Variants in LTBP2 observed in about 807,000 individuals in gnomAD.
The protein encoded by LTBP2 is latent transforming growth factor beta binding protein 2, also known as latent-transforming growth factor beta-binding protein 2.
LTBP2 carries 103 observed loss-of-function variants against 210.6 expected under a neutral mutation model. The observed-to-expected ratio is 0.49, with a 90% confidence interval of 0.42 to 0.58. The LOEUF is 0.58. LTBP2 is among the 20% of genes least tolerant of loss of function. LTBP2 has a pLI of 0.00. For synonymous variants in LTBP2, 1,007 were observed against 1,015.0 expected, an observed-to-expected ratio of 0.99 and a Z score of 0.15; for missense variants, 2,313 against 2,494.5, an observed-to-expected ratio of 0.93 and a Z score of 1.55.
chr14:74,522,989 G>A (rs1164563141), intron 15 of LTBP2, 71 bp from the exon 16 acceptor site: 2 of 1,565,044 alleles, frequency 1.3e-6, no homozygotes, highest in South Asian at 1.2e-5. Flanking sequence ...AGCGGGGTGG[G>A]GACAGTCAGT....
In LTBP2 at chr14:74,500,442, C is replaced by T; in HGVS notation, c.*442G>A. ...CTTCCCCAAATCCTTTCTTGCTCCA[C>T]AGATTCTGAAGGACCTCCCTAGGGC... On this transcript the variant is annotated 3_prime_UTR_variant, in exon 36 of 36. Coordinates refer to ENST00000261978, the MANE Select transcript of LTBP2 (RefSeq NM_000428.3). The T allele has an allele frequency of 2.7e-6, 1 of 365,090 alleles. No individual in the cohort carries two copies. Among genetic ancestry groups the T allele is most frequent in the Admixed American group, 4.2e-5 (1 of 23,864 alleles). The allele number at this position is 365,090 out of a possible 1,614,324, so 22.6% of individuals were successfully genotyped here. A position where few individuals can be genotyped will look rare whatever the true frequency, so the allele number is the denominator to read the frequency against.
chr14:74,555,084 A>T (rs190467465), intron 4 of LTBP2, among the ~76,000 whole-genome samples: 1 of 150,494 alleles, frequency 6.6e-6, no homozygotes, highest in African/African-American at 2.5e-5. Flanking sequence ...CATGGCGTGA[A>T]TCCACAGAGA....
intron 3 of LTBP2, among the ~76,000 whole-genome samples, chr14:74,584,946 T>A (rs905447236): frequency 1.3e-5 from 2 of 152,144 alleles, no homozygotes; most frequent in Non-Finnish European, 2.9e-5. Context: ...TCCTGGGCTC[T>A]GAAAGAGCAA....
chr14:74,559,088 A>G (rs2087762221), intron 3 of LTBP2, among the ~76,000 whole-genome samples: 1 of 152,252 alleles, frequency 6.6e-6, no homozygotes, highest in African/African-American at 2.4e-5. Context: ...GAATTTTTAA[A>G]TTGCAGAAAC....
chr14:74,557,591 T>A (rs1415088293), intron 3 of LTBP2, among the ~76,000 whole-genome samples: 3 of 152,208 alleles, frequency 2.0e-5, no homozygotes, highest in Non-Finnish European at 4.4e-5. Context: ...TCATGTCCTT[T>A]GACATCTTAA....
At position 74,528,582 on chromosome 14, in the gene LTBP2, C is replaced by T. The variant is rs771194055; in HGVS notation, c.2269G>A (p.Gly757Arg). The T allele has an allele frequency of 5.0e-6, 8 of 1,613,408 alleles. No individual in the cohort carries two copies. In the African/African-American group the frequency reaches 8.0e-5, roughly 16 times the overall value. ...EELARPPREQGQRSSGALPGP... is the reference protein window; with the variant it reads ...EELARPPREQRQRSSGALPGP... ...GGCAGTGCCCCGCTGCTCCTCTGCC[C>T]TTGCTCCCTTGGGGGCCTTGCCAGT... Residue 757 changes from glycine to arginine, a missense_variant, in exon 12 of 36, where the codon GGG becomes AGG. Around this residue, in one of 3 missense-constraint regions of LTBP2, gnomAD observed 1,867 missense variants for 1,976.9 expected, o/e 0.94. Transcript: ENST00000261978.
intron 8 of LTBP2, among the ~76,000 whole-genome samples, chr14:74,543,616 T>C (rs906480509): frequency 6.7e-6 from 1 of 148,356 alleles, no homozygotes; most frequent in Admixed American, 6.8e-5. Flanking sequence ...TGTCCCTCAC[T>C]AGCTGGGTGA....
intron 3 of LTBP2, among the ~76,000 whole-genome samples, chr14:74,558,815 C>T (rs988043795): frequency 1.3e-5 from 2 of 152,124 alleles, no homozygotes; most frequent in Non-Finnish European, 2.9e-5. Context: ...AATAAACAAA[C>T]CATGTATTCC....
chr14:74,534,399 A>G (rs1313536155), intron 9 of LTBP2, among the ~76,000 whole-genome samples: 1 of 152,186 alleles, frequency 6.6e-6, no homozygotes, highest in Admixed American at 6.5e-5. Context: ...CAGACAGCAC[A>G]AACTGTTCTT....
Position 74,499,823 on chromosome 14 carries a change from T to C in LTBP2, c.*1061A>G. On this transcript the variant is annotated 3_prime_UTR_variant, in exon 36 of 36. Transcript: ENST00000261978. ...CAGCTAGTTTGGGTTGGAGTGAGTC[T>C]CTGCTTGTAAACTCAGAGGAATGCC... 4.3e-6 allele frequency: 1 copy of C among 230,736 alleles called. No homozygotes were observed. The highest frequency in any genetic ancestry group is 6.2e-5 in the East Asian group (1 of 16,230). 14.3% of individuals were successfully genotyped at this position (230,736 alleles called of 1,614,324 possible).
In LTBP2 at chr14:74,499,759, A is replaced by G; in HGVS notation, c.*1125T>C. ...TGAAATAAAAACAACAGAAGAGACC[A>G]GATGCACATTTCTTTATTCCACCAT... On this transcript the variant is annotated 3_prime_UTR_variant, in exon 36 of 36. Coordinates refer to ENST00000261978, the MANE Select transcript of LTBP2 (RefSeq NM_000428.3). 4.4e-6 allele frequency: 1 copy of G among 228,120 alleles called. No individual in the cohort carries two copies. Among genetic ancestry groups the G allele is most frequent in the East Asian group, 6.3e-5 (1 of 15,896 alleles). 14.1% of individuals were successfully genotyped at this position (228,120 alleles called of 1,614,324 possible).
At chr14:74,503,754 G>C (rs1294124828) in intron 31 of LTBP2, 148 bp from the exon 32 acceptor site, 1 of 1,435,696 alleles carries the variant, frequency 7.0e-7, no homozygotes, top group African/African-American at 1.4e-5. Context: ...GGCCCTCCTG[G>C]GGACAATCTC....
At chr14:74,577,399 C>T (rs1040213149) in intron 3 of LTBP2, among the ~76,000 whole-genome samples, 4 of 152,026 alleles carry the variant, frequency 2.6e-5, no homozygotes, top group Non-Finnish European at 5.9e-5. Flanking sequence ...GAGAGGCTCA[C>T]ATGTTCTTGT....
At chr14:74,597,300 G>A (rs1037758240) in intron 2 of LTBP2, among the ~76,000 whole-genome samples, 8 of 152,186 alleles carry the variant, frequency 5.3e-5, no homozygotes, top group Non-Finnish European at 8.8e-5. Context: ...TTCATGCTCC[G>A]CTTGGCTCCT....
intron 17 of LTBP2, among the ~76,000 whole-genome samples, chr14:74,521,143 G>A (rs756481907): frequency 6.6e-6 from 1 of 152,308 alleles, no homozygotes; most frequent in African/African-American, 2.4e-5. Context: ...ATTGGAACCC[G>A]AGGGGATCCT....
rs2087921783 is a variant in LTBP2 at position 74,567,655 on chromosome 14, G to C, written c.831-11962C>G. Among the ~76,000 whole-genome samples, 3 of 152,112 alleles carry C rather than the reference G, an allele frequency of 2.0e-5. No homozygotes were observed. In the South Asian group the frequency reaches 6.2e-4, roughly 32 times the overall value. Reference sequence around the variant, plus strand: ...ACCACCCAAAGGGTTGCAGCTCGGCGGGGGACACAGACCCCCAGGAGGGAA... The same window carrying C: ...ACCACCCAAAGGGTTGCAGCTCGGCCGGGGACACAGACCCCCAGGAGGGAA... On this transcript the variant is annotated intron_variant, in intron 3 of 35. Transcript: ENST00000261978.
chr14:74,514,609 G>T (rs983935517), intron 18 of LTBP2, among the ~76,000 whole-genome samples: 1 of 152,172 alleles, frequency 6.6e-6, no homozygotes, highest in East Asian at 1.9e-4. Flanking sequence ...AAGTGACCTT[G>T]GTTATGGCTG....
At chr14:74,579,603 A>T (rs2088109552) in intron 3 of LTBP2, among the ~76,000 whole-genome samples, 1 of 152,240 alleles carries the variant, frequency 6.6e-6, no homozygotes, top group Non-Finnish European at 1.5e-5. Flanking sequence ...ACCCACATGC[A>T]GGCACATGCT....
intron 28 of LTBP2, 76 bp downstream of exon 28, chr14:74,505,972 T>C (rs1247362941): frequency 1.6e-5 from 25 of 1,583,794 alleles, no homozygotes; most frequent in African/African-American, 2.7e-5. Context: ...GGCTAGAGGC[T>C]AGTAGAGGGA....
Sources: allele counts gnomAD v4.1 joint callset (sites outside exome capture counted in the v4.1 genomes callset), GRCh38; gene constraint gnomAD v4.1.1; regional missense constraint gnomAD v4.1.1; transcripts MANE v1.5; gene names NCBI Gene and HGNC (gene_info 2026-07-23, HGNC 2026-07-21).